TNFRSF10A: variants seen among roughly 807,000 people sequenced by gnomAD.
TNFRSF10A encodes the protein TNF receptor superfamily member 10a, also known as tumor necrosis factor receptor superfamily member 10A.
In TNFRSF10A, 44 loss-of-function variants were observed where a neutral mutation model predicts 42.8. The ratio of observed to expected loss-of-function variants is 1.03; its 90% CI spans 0.81 to 1.32. The LOEUF is 1.32. Ranked by LOEUF, TNFRSF10A falls within the 40% of genes most tolerant of loss-of-function variation. TNFRSF10A has a pLI of 0.00. For synonymous variants in TNFRSF10A, 259 were observed against 234.2 expected (o/e 1.11, Z -0.97); for missense variants, 680 against 602.0 (o/e 1.13, Z -1.36).
intron 2 of TNFRSF10A, 101 bp from the exon 3 acceptor site, chr8:23,202,862 A>G: frequency 1.3e-6 from 1 of 749,912 alleles, no homozygotes; most frequent in Non-Finnish European, 2.3e-6. Flanking sequence ...AGTAGACCCC[A>G]GACAGAGAAA....
chr8:23,195,535 C>T (rs1800811007), intron 9 of TNFRSF10A, among the ~76,000 whole-genome samples: 9 of 152,174 alleles, frequency 5.9e-5, no homozygotes, highest in Admixed American at 5.9e-4. Flanking sequence ...CAATGGAACA[C>T]AGTTGGATAA....
At chr8:23,213,405 T>C (rs886613626) in intron 1 of TNFRSF10A, among the ~76,000 whole-genome samples, 2 of 150,248 alleles carry the variant, frequency 1.3e-5, no homozygotes, top group Non-Finnish European at 1.5e-5. Flanking sequence ...CTCTGATCTA[T>C]TTTTTGCTGG....
At position 23,197,120 on chromosome 8, in the gene TNFRSF10A, C is replaced by A. The variant is rs763621636; in HGVS notation, c.1087+12G>T. On this transcript the variant is annotated intron_variant, in intron 9 of 9. Coordinates refer to ENST00000221132, the MANE Select transcript of TNFRSF10A (RefSeq NM_003844.4). ...ACCATTTCTGCTGCATCTCCAGGAG[C>A]AAAACACTTACTCTCAGTGGGGTCA... 6 of 1,613,996 alleles carry A rather than the reference C, an allele frequency of 3.7e-6. No homozygotes were observed. The highest frequency in any genetic ancestry group is 4.2e-6 in the Non-Finnish European group (5 of 1,179,980).
intron 2 of TNFRSF10A, among the ~76,000 whole-genome samples, chr8:23,210,991 G>A (rs1180922456): frequency 3.9e-5 from 6 of 152,236 alleles, no homozygotes; most frequent in Admixed American, 3.9e-4. Flanking sequence ...ACTGAAAGAT[G>A]TTCTCCAAAA....
intron 1 of TNFRSF10A, among the ~76,000 whole-genome samples, chr8:23,217,862 C>T (rs1408155099): frequency 6.6e-6 from 1 of 152,154 alleles, no homozygotes; most frequent in Non-Finnish European, 1.5e-5. Flanking sequence ...GCACAGCCAT[C>T]AATAACCCGA....
intron 1 of TNFRSF10A, among the ~76,000 whole-genome samples, chr8:23,213,970 T>C (rs1481250895): frequency 6.6e-6 from 1 of 152,022 alleles, no homozygotes; most frequent in African/African-American, 2.4e-5. Context: ...TTGTTGTTGT[T>C]ACATGGATAA....
intron 2 of TNFRSF10A, 115 bp downstream of exon 2, chr8:23,212,001 A>T: frequency 1.1e-6 from 1 of 929,038 alleles, no homozygotes; most frequent in South Asian, 1.7e-5. Context: ...GAAACAGAAA[A>T]CTTGAAGAAC....
At chr8:23,219,713 T>A (rs753167715) in intron 1 of TNFRSF10A, among the ~76,000 whole-genome samples, 1 of 152,148 alleles carries the variant, frequency 6.6e-6, no homozygotes, top group Non-Finnish European at 1.5e-5. Context: ...CCCCAGCCGG[T>A]GCTGCTCCCC....
At chr8:23,199,861 C>T in intron 7 of TNFRSF10A, 25 bp downstream of exon 7, 1 of 1,614,124 alleles carries the variant, frequency 6.2e-7, no homozygotes, top group Non-Finnish European at 8.5e-7. Flanking sequence ...CCTGATGCCC[C>T]CAGCTCCTGG....
At chr8:23,208,868 A>C (rs1375146606) in intron 2 of TNFRSF10A, among the ~76,000 whole-genome samples, 1 of 152,236 alleles carries the variant, frequency 6.6e-6, no homozygotes, top group Non-Finnish European at 1.5e-5. Flanking sequence ...ATGGCTGCAT[A>C]AATTTGCATA....
chr8:23,222,865 GA>G (rs1167317025), intron 1 of TNFRSF10A, among the ~76,000 whole-genome samples: 1 of 151,884 alleles, frequency 6.6e-6, no homozygotes. Flanking sequence ...CTCCCTTCCG[GA>G]TCTCATCCCC....
At chr8:23,207,085 G>A (rs1446089135) in intron 2 of TNFRSF10A, 1 of 527,446 alleles carries the variant, frequency 1.9e-6, no homozygotes, top group East Asian at 4.4e-5. Flanking sequence ...ACTCTGGAGA[G>A]CACCCCCAGG....
At chr8:23,203,357 C>A (rs2128848460) in intron 2 of TNFRSF10A, among the ~76,000 whole-genome samples, 1 of 152,266 alleles carries the variant, frequency 6.6e-6, no homozygotes, top group South Asian at 2.1e-4. Flanking sequence ...TCAGATACAG[C>A]CCATGCCACC....
Position 23,201,875 on chromosome 8 carries a change from A to T in TNFRSF10A, c.562T>A (p.Cys188Ser), listed in dbSNP as rs1480108021. The T allele has an allele frequency of 1.2e-6, 2 of 1,614,086 alleles. No individual in the cohort carries two copies. Among genetic ancestry groups the T allele is most frequent in the African/African-American group, 2.7e-5 (2 of 74,934 alleles). Residue 188 changes from cysteine (C) to serine (S), a missense_variant, in exon 4 of 10, where the codon TGT becomes AGT. Physicochemically the swap from Cys to Ser is moderately radical, Grantham distance 112. Coordinates refer to ENST00000221132, the MANE Select transcript of TNFRSF10A (RefSeq NM_003844.4). Reference protein sequence around the residue: ...SPCTTTRNTACQCKPGTFRND... With the variant: ...SPCTTTRNTASQCKPGTFRND... ...CGGAAAGTTCCTGGTTTGCACTGAC[A>T]TGCTGTGTTCCTGGTCGTGGTGCAG...
At chr8:23,211,815 A>G (rs937312762) in intron 2 of TNFRSF10A, among the ~76,000 whole-genome samples, 29 of 152,240 alleles carry the variant, frequency 1.9e-4, no homozygotes, top group African/African-American at 6.3e-4. Context: ...GGATAGCCAC[A>G]TGCAAAAGAA....
chr8:23,204,446 A>G (rs754787536), intron 2 of TNFRSF10A, among the ~76,000 whole-genome samples: 9 of 152,250 alleles, frequency 5.9e-5, no homozygotes, highest in Non-Finnish European at 1.2e-4. Flanking sequence ...AATGAAAACC[A>G]CACTGCAAAG....
chr8:23,197,862 A>G (rs1249403258), intron 8 of TNFRSF10A, among the ~76,000 whole-genome samples: 2 of 152,228 alleles, frequency 1.3e-5, no homozygotes. Context: ...TTACTTGAGG[A>G]AAAAGACCCA....
At chr8:23,199,977 A>C in intron 6 of TNFRSF10A, 60 bp from the exon 7 acceptor site, 7 of 1,545,230 alleles carry the variant, frequency 4.5e-6, no homozygotes, top group Non-Finnish European at 6.2e-6. Context: ...ACTCCTTCTT[A>C]GAGGGCAGTG....
chr8:23,195,596 A>C (rs1800812101), intron 9 of TNFRSF10A, among the ~76,000 whole-genome samples: 1 of 152,218 alleles, frequency 6.6e-6, no homozygotes. Flanking sequence ...GAGAGGTTCC[A>C]GCAAAGCCAA....
Sources: gnomAD v4.1 joint callset for allele counts (sites outside exome capture counted in the v4.1 genomes callset) on GRCh38, gnomAD v4.1.1 for gene constraint, MANE v1.5 for transcripts, NCBI Gene and HGNC (gene_info 2026-07-23, HGNC 2026-07-21) for gene names.